TMEM232: variants seen among roughly 807,000 people sequenced by gnomAD.
TMEM232 encodes transmembrane protein 232.
In TMEM232, 80 loss-of-function variants were observed where a neutral mutation model predicts 78.8. The observed-to-expected ratio is 1.01, with a 90% CI of 0.85 to 1.22. The LOEUF is 1.22. TMEM232 is among the 50% of genes most tolerant of loss of function. The probability of loss-of-function intolerance (pLI) is 0.00; values close to 1 mark genes in which losing one functional copy is unlikely to be tolerated. For missense variants in TMEM232, 881 were observed against 742.2 expected, an observed-to-expected ratio of 1.19 and a Z score of -2.17; for synonymous variants, 297 against 254.3, an observed-to-expected ratio of 1.17 and a Z score of -1.60.
chr5:110,502,953 A>C (rs1301409652), intron 12 of TMEM232, among the ~76,000 whole-genome samples: 1 of 152,210 alleles, frequency 6.6e-6, no homozygotes, highest in Non-Finnish European at 1.5e-5. Context: ...ATGGGACTTA[A>C]AACAATCTGT....
intron 1 of TMEM232, among the ~76,000 whole-genome samples, chr5:110,682,926 T>C (rs1017952555): frequency 6.6e-5 from 10 of 152,108 alleles, no homozygotes; most frequent in Admixed American, 3.9e-4. Flanking sequence ...TGTGGTATGG[T>C]GGGTAAGTGT....
chr5:110,592,228 G>A (rs779038523), intron 10 of TMEM232, among the ~76,000 whole-genome samples: 8 of 152,108 alleles, frequency 5.3e-5, no homozygotes, highest in East Asian at 1.9e-4. Context: ...AAAAGTTGAC[G>A]TCTAGAGGTG....
upstream of TMEM232, among the ~76,000 whole-genome samples, chr5:110,730,416 T>C (rs1231991601): frequency 6.6e-6 from 1 of 152,262 alleles, no homozygotes; most frequent in East Asian, 1.9e-4. Flanking sequence ...TATTATGTGA[T>C]ATCAGTTTAG....
intron 12 of TMEM232, among the ~76,000 whole-genome samples, chr5:110,435,275 G>C (rs1437556130): frequency 1.3e-5 from 2 of 151,354 alleles, no homozygotes; most frequent in African/African-American, 2.4e-5. Context: ...TTTACTTTAA[G>C]TTTTTTAATG....
intron 12 of TMEM232, among the ~76,000 whole-genome samples, chr5:110,433,316 C>T (rs1414208024): frequency 6.6e-6 from 1 of 151,602 alleles, no homozygotes; most frequent in East Asian, 1.9e-4. Context: ...TAAGTCAATA[C>T]CAAGAAGAAC....
chr5:110,623,856 T>C (rs1784085650), intron 7 of TMEM232, among the ~76,000 whole-genome samples: 1 of 152,202 alleles, frequency 6.6e-6, no homozygotes, highest in Non-Finnish European at 1.5e-5. Context: ...TAGAAGAGAT[T>C]GAATCTAAGC....
chr5:110,547,383 G>A (rs1773909041), intron 11 of TMEM232, among the ~76,000 whole-genome samples: 1 of 151,906 alleles, frequency 6.6e-6, no homozygotes, highest in Admixed American at 6.6e-5. Flanking sequence ...ACAAGTACAA[G>A]GAAGACAGAA....
chr5:110,586,487 A>C (rs1397846147), intron 10 of TMEM232, among the ~76,000 whole-genome samples: 2 of 152,144 alleles, frequency 1.3e-5, no homozygotes, highest in Admixed American at 6.6e-5. Context: ...AATTATCAAA[A>C]CTATTGGTAA....
chr5:110,738,550 A>C (rs1207284586), upstream of TMEM232, among the ~76,000 whole-genome samples: 1 of 151,946 alleles, frequency 6.6e-6, no homozygotes, highest in Non-Finnish European at 1.5e-5. Flanking sequence ...CTCTCAATAG[A>C]TTTGATCCAA....
At chr5:110,649,973 A>C (rs1301190852) in intron 2 of TMEM232, among the ~76,000 whole-genome samples, 1 of 152,110 alleles carries the variant, frequency 6.6e-6, no homozygotes, top group Non-Finnish European at 1.5e-5. Context: ...GGAAAAATAA[A>C]TAGAAATATT....
intron 11 of TMEM232, among the ~76,000 whole-genome samples, chr5:110,531,673 A>G (rs530738109): frequency 6.0e-4 from 91 of 152,230 alleles, no homozygotes; most frequent in African/African-American, 2.2e-3. Context: ...TTTACTCTTA[A>G]AAAGGTGGCT....
intron 2 of TMEM232, among the ~76,000 whole-genome samples, chr5:110,665,882 C>T (rs113161426): frequency 6.9e-5 from 10 of 143,992 alleles, no homozygotes; most frequent in African/African-American, 2.6e-4. Context: ...AAGCATGACC[C>T]CATCTCCACA....
chr5:110,653,654 T>C (rs1490010524), intron 2 of TMEM232, among the ~76,000 whole-genome samples: 2 of 152,036 alleles, frequency 1.3e-5, no homozygotes, highest in Non-Finnish European at 2.9e-5. Context: ...TAATGGGATA[T>C]GAGAAAAGAA....
At chr5:110,718,537 G>C (rs561735574) in intron 1 of TMEM232, among the ~76,000 whole-genome samples, 3 of 152,116 alleles carry the variant, frequency 2.0e-5, no homozygotes, top group African/African-American at 7.2e-5. Context: ...TTTGCAGTTA[G>C]CTTCCAGCAT....
At position 110,647,093 on chromosome 5, in the gene TMEM232, G is replaced by A. The variant is rs148580629; in HGVS notation, c.126-4722C>T. On this transcript the variant is annotated intron_variant, in intron 2 of 13. Coordinates refer to ENST00000455884, the MANE Select transcript of TMEM232 (RefSeq NM_001039763.4). ...GCATTTTTTGCAAATTTGCCTACAC[G>A]AAAGTGCACTATCACCACACTGACT... Among the ~76,000 whole-genome samples, 1,516 of 151,892 alleles carry A rather than the reference G, an allele frequency of 1.0e-2. 33 individuals carry two copies. Among genetic ancestry groups the A allele is most frequent in the African/African-American group, 0.034 (1,415 of 41,484 alleles).
At chr5:110,605,970 T>G (rs1011376258) in intron 9 of TMEM232, among the ~76,000 whole-genome samples, 194 bp downstream of exon 9, 1 of 151,992 alleles carries the variant, frequency 6.6e-6, no homozygotes, top group Non-Finnish European at 1.5e-5. Context: ...AATATAAATT[T>G]TAATATTATG....
At chr5:110,526,993 A>C (rs1770702013) in intron 12 of TMEM232, among the ~76,000 whole-genome samples, 1 of 151,882 alleles carries the variant, frequency 6.6e-6, no homozygotes, top group Non-Finnish European at 1.5e-5. Context: ...TTTTAAAATG[A>C]AGGGGGAAAA....
At position 110,545,936 on chromosome 5, in the gene TMEM232, T is replaced by A. The variant is rs1241702114; in HGVS notation, c.1456-17101A>T. ...TGCTCATTGCAAGTCTCCCTGGAAG[T>A]ATTTCAAACAAAGCACATCAATTAA... On this transcript the variant is annotated intron_variant, in intron 11 of 13. Coordinates refer to ENST00000455884, the MANE Select transcript of TMEM232 (RefSeq NM_001039763.4). 5.3e-5 allele frequency among the ~76,000 whole-genome samples: 8 copies of A among 152,258 alleles called. No homozygotes were observed. The East Asian group carries it at 1.5e-3, about 29-fold the overall frequency.
At chr5:110,592,962 C>A (rs1248185229) in intron 10 of TMEM232, among the ~76,000 whole-genome samples, 1 of 152,096 alleles carries the variant, frequency 6.6e-6, no homozygotes, top group African/African-American at 2.4e-5. Flanking sequence ...GCTCACCATA[C>A]AAGTATCTAG....
Sources: allele counts gnomAD v4.1 joint callset (sites outside exome capture counted in the v4.1 genomes callset), GRCh38; gene constraint gnomAD v4.1.1; transcripts MANE v1.5; gene names NCBI Gene and HGNC (gene_info 2026-07-23, HGNC 2026-07-21).